The following RGS12 variants were observed in gnomAD, a reference collection of about 807,000 sequenced individuals.
RGS12 encodes regulator of G-protein signaling 12.
In RGS12, 66 loss-of-function variants were observed where a neutral mutation model predicts 120.1. The observed-to-expected ratio is 0.55, with a 90% CI of 0.45 to 0.67. The LOEUF (loss-of-function observed/expected upper bound fraction) is 0.67. Among genes scored for constraint, RGS12 ranks in the 30% least tolerant of loss-of-function variants. RGS12 has a pLI of 0.00. For missense variants in RGS12, 1,859 were observed against 1,957.7 expected, an observed-to-expected ratio of 0.95 and a Z score of 0.95; for synonymous variants, 827 against 804.7, an observed-to-expected ratio of 1.03 and a Z score of -0.47.
intron 2 of RGS12, among the ~76,000 whole-genome samples, chr4:3,331,314 T>C (rs1273796489): frequency 1.3e-5 from 2 of 152,194 alleles, no homozygotes; most frequent in African/African-American, 4.8e-5. Flanking sequence ...TCAGAGGTAG[T>C]AAATGAAAAC....
chr4:3,342,408 A>G (rs1031523923), intron 2 of RGS12: 5 of 1,251,366 alleles, frequency 4.0e-6, no homozygotes, highest in Admixed American at 5.3e-5. Flanking sequence ...AGGATGTTTT[A>G]ATAGCCAGTT....
Position 3,439,635 on chromosome 4 carries a change from G to T in RGS12, c.4295G>T (p.Gly1432Val), listed in dbSNP as rs978766680. 3 of 1,591,104 alleles carry T rather than the reference G, an allele frequency of 1.9e-6. No individual in the cohort carries two copies. Among genetic ancestry groups the T allele is most frequent in the Admixed American group, 1.7e-5 (1 of 58,392 alleles). The change falls in exon 18 of 18, where the codon GGT (glycine) becomes GTT (valine). Residue 1432 changes from glycine to valine, a missense_variant. This residue lies in a region of RGS12 where 517 missense variants were observed against 488.5 expected (regional missense o/e 1.06). Coordinates refer to ENST00000336727, the MANE Select transcript of RGS12 (RefSeq NM_001394154.1). Reference protein sequence around the residue: ...SDLPGLGPVPGEPAKPKTSAH... With the variant: ...SDLPGLGPVPVEPAKPKTSAH... ...CTCCCTGGCTTGGGCCCCGTCCCGG[G>T]TGAGCCTGCTAAGCCCAAGACCAGC...
At position 3,425,553 on chromosome 4, in the gene RGS12, A is replaced by C. The variant is rs781172914; in HGVS notation, c.3324A>C (p.Arg1108Ser). 6.2e-7 allele frequency: 1 copy of C among 1,600,540 alleles called. No homozygotes were observed. Among genetic ancestry groups the C allele is most frequent in the Non-Finnish European group, 8.5e-7 (1 of 1,174,952 alleles). ...TCTTGGAGGAGAAGGATCCTTCCAG[A>C]GGAAAGGGTGAGTAGGGCTGGTGCA... ...RVVLEEKDPS[R>S]GKASADKQKG... Residue 1108 changes from arginine to serine, a missense_variant, in exon 14 of 18, where the codon AGA (arginine) becomes AGC (serine). Arg to Ser is a moderately radical substitution (Grantham distance 110, BLOSUM62 -1). Around this residue, in one of 3 missense-constraint regions of RGS12, gnomAD observed 517 missense variants for 488.5 expected, o/e 1.06. Coordinates refer to ENST00000336727, the MANE Select transcript of RGS12 (RefSeq NM_001394154.1).
At position 3,433,342 on chromosome 4, in the gene RGS12, C is replaced by T. The variant is rs1040379593; in HGVS notation, c.4114+2387C>T. 1.3e-5 allele frequency among the ~76,000 whole-genome samples: 2 copies of T among 152,182 alleles called. No homozygotes were observed. Among genetic ancestry groups the T allele is most frequent in the Admixed American group, 1.3e-4 (2 of 15,284 alleles). The stretch of plus-strand genomic sequence containing the variant: ...CCCATTGCCATGGTGGGCAGCATGC[C>T]GGCTACGCGTGGGGGCTGCCAGCAA... On this transcript the variant is annotated intron_variant, in intron 17 of 17. Coordinates refer to ENST00000336727, the MANE Select transcript of RGS12 (RefSeq NM_001394154.1). This position sits in a 1 kb window ranked among gnomAD's most constrained non-coding sequence, Gnocchi z 4.4.
chr4:3,291,743 C>A (rs1578654110), upstream of RGS12, among the ~76,000 whole-genome samples: 3 of 152,200 alleles, frequency 2.0e-5, no homozygotes, highest in Admixed American at 6.5e-5. Flanking sequence ...CTTTGTCTGG[C>A]TTCCTGTAAC....
rs151330259 is a variant in RGS12 at position 3,379,167 on chromosome 4, C to T, written c.1999-7249C>T. The stretch of plus-strand genomic sequence containing the variant: ...ATGTGGACTCTAAAAACATTGAATT[C>T]ATGGACGCAGAGAGTAGATTGGTGC... On this transcript the variant is annotated intron_variant, in intron 3 of 17. Coordinates refer to ENST00000336727, the MANE Select transcript of RGS12 (RefSeq NM_001394154.1). Among the ~76,000 whole-genome samples, 213 of 152,278 alleles carry T rather than the reference C, an allele frequency of 1.4e-3. 1 individual carries two copies. The highest frequency in any genetic ancestry group is 4.5e-3 in the African/African-American group (186 of 41,540).
chr4:3,434,253 T>G (rs1177971692), intron 17 of RGS12, among the ~76,000 whole-genome samples: 1 of 152,112 alleles, frequency 6.6e-6, no homozygotes, highest in Admixed American at 6.5e-5. Flanking sequence ...TCAGCTCTCC[T>G]GAGACTCACT....
rs561739350 is a variant in RGS12 at position 3,307,677 on chromosome 4, C to T, written c.-101-8393C>T. On this transcript the variant is annotated intron_variant, in intron 1 of 17. Transcript: ENST00000336727. ...CGTGGGTGTGCCAGCCTCGAGGCCTCGTGGCCCCTGCTCGTGCCTAGAACT... is the reference window on the plus strand; with the variant it reads ...CGTGGGTGTGCCAGCCTCGAGGCCTTGTGGCCCCTGCTCGTGCCTAGAACT... 2.5e-3 allele frequency among the ~76,000 whole-genome samples: 382 copies of T among 152,334 alleles called. 2 individuals are homozygous for T. Among genetic ancestry groups the T allele is most frequent in the African/African-American group, 8.9e-3 (371 of 41,588 alleles).
At chr4:3,361,444 G>A (rs1185898930) in intron 3 of RGS12, among the ~76,000 whole-genome samples, 1 of 152,194 alleles carries the variant, frequency 6.6e-6, no homozygotes, top group East Asian at 1.9e-4. Flanking sequence ...TGAATGGCTG[G>A]GGCATCAGCC....
At chr4:3,356,594 A>G (rs1714922166) in intron 3 of RGS12, among the ~76,000 whole-genome samples, 1 of 145,762 alleles carries the variant, frequency 6.9e-6, no homozygotes, top group African/African-American at 2.6e-5. Flanking sequence ...GATTTGGACT[A>G]TTCTAGGTAT....
intron 1 of RGS12, among the ~76,000 whole-genome samples, chr4:3,295,436 G>A (rs1021633958): frequency 1.3e-5 from 2 of 152,106 alleles, no homozygotes; most frequent in African/African-American, 4.8e-5. Context: ...TGAGGCAGGT[G>A]GATCACCTGA....
chr4:3,417,557 C>T lies in RGS12; in HGVS notation c.2761+16C>T, dbSNP rs1415954779. ...CACGCAGACGGTTTGTGGGGTGGCT[C>T]CTGGGCTGTGGTGTCCAGGCCAGGC... On this transcript the variant is annotated intron_variant, in intron 9 of 17. Coordinates refer to ENST00000336727, the MANE Select transcript of RGS12 (RefSeq NM_001394154.1). The T allele has an allele frequency of 2.5e-6, 4 of 1,611,316 alleles. No individual in the cohort carries two copies. Among genetic ancestry groups the T allele is most frequent in the Admixed American group, 1.7e-5 (1 of 59,910 alleles).
chr4:3,400,582 C>T (rs1180690192), intron 4 of RGS12, among the ~76,000 whole-genome samples: 2 of 150,594 alleles, frequency 1.3e-5, no homozygotes, highest in African/African-American at 4.9e-5. Flanking sequence ...TAATAGAATA[C>T]ATGAATGTAC....
At position 3,433,122 on chromosome 4, in the gene RGS12, C is replaced by T. The variant is rs909542579; in HGVS notation, c.4114+2167C>T. Among the ~76,000 whole-genome samples, 3 of 152,314 alleles carry T rather than the reference C, an allele frequency of 2.0e-5. No homozygotes were observed. Among genetic ancestry groups the T allele is most frequent in the South Asian group, 2.1e-4 (1 of 4,826 alleles). On this transcript the variant is annotated intron_variant, in intron 17 of 17. Transcript: ENST00000336727. This position sits in a 1 kb window ranked among gnomAD's most constrained non-coding sequence, Gnocchi z 4.4. ...TGGAACCTCTTTCACATCTGTGGGC[C>T]GGGGCGAGCCTGGACTGAGTGCTGA...
chr4:3,437,489 C>T (rs189360621), intron 17 of RGS12, among the ~76,000 whole-genome samples: 6 of 152,294 alleles, frequency 3.9e-5, no homozygotes, highest in African/African-American at 1.4e-4. Context: ...CAAACCCCTG[C>T]CTCTCCCCAC....
At chr4:3,314,378 T>G (rs962678980) in intron 1 of RGS12, 2 of 152,198 alleles carry the variant, frequency 1.3e-5, no homozygotes, top group African/African-American at 4.8e-5. Context: ...TTAGAAGTTA[T>G]TAACTTTAAA....
At chr4:3,399,630 TAAG>T (rs1560147262) in intron 4 of RGS12, among the ~76,000 whole-genome samples, 1 of 152,210 alleles carries the variant, frequency 6.6e-6, no homozygotes, top group African/African-American at 2.4e-5. Flanking sequence ...AAAGTTGGCC[TAAG>T]AAGAAGTAGA....
intron 2 of RGS12, among the ~76,000 whole-genome samples, chr4:3,321,719 A>G (rs570195874): frequency 1.3e-5 from 2 of 152,156 alleles, no homozygotes; most frequent in South Asian, 2.1e-4. Flanking sequence ...TCCTCCCCCC[A>G]GTGGACTGCA....
intron 2 of RGS12, among the ~76,000 whole-genome samples, chr4:3,325,412 T>G (rs1725491593): frequency 1.3e-5 from 2 of 152,108 alleles, no homozygotes; most frequent in African/African-American, 4.8e-5. Flanking sequence ...CTTTAAGAGG[T>G]GATTAGGTCA....
Sources: allele counts gnomAD v4.1 joint callset (sites outside exome capture counted in the v4.1 genomes callset), GRCh38; gene constraint gnomAD v4.1.1; regional missense constraint gnomAD v4.1.1; non-coding constraint Gnocchi (gnomAD v3.1); transcripts MANE v1.5; gene names NCBI Gene and HGNC (gene_info 2026-07-23, HGNC 2026-07-21).